ARHGAP6: variants seen among roughly 807,000 people sequenced by gnomAD.
ARHGAP6 encodes the protein rho GTPase-activating protein 6.
A neutral mutation model predicts 55.7 loss-of-function variants in ARHGAP6; 16 were observed. The ratio of observed to expected loss-of-function variants is 0.29; its 90% CI spans 0.19 to 0.44. ARHGAP6 has a LOEUF of 0.44. Among genes scored for constraint, ARHGAP6 ranks in the 20% least tolerant of loss-of-function variants. The pLI, the probability that ARHGAP6 is intolerant of heterozygous loss-of-function variation, is 1.00. For synonymous variants in ARHGAP6, 382 were observed against 360.9 expected, an observed-to-expected ratio of 1.06 and a Z score of -0.66; for missense variants, 698 against 808.9, an observed-to-expected ratio of 0.86 and a Z score of 1.66.
intron 1 of ARHGAP6, among the ~76,000 whole-genome samples, chrX:11,360,318 G>C (rs1362126985): frequency 9.0e-6 from 1 of 111,067 alleles, no homozygotes. Context: ...ATGATCAAGT[G>C]GGCTTCATTC....
intron 1 of ARHGAP6, among the ~76,000 whole-genome samples, chrX:11,359,753 C>T (rs181037613): frequency 5.4e-5 from 6 of 111,091 alleles, no homozygotes; most frequent in East Asian, 2.8e-4. Flanking sequence ...ATTGATAGAC[C>T]GCTAGCAAGA....
chrX:11,311,566 A>G (rs35887552), intron 1 of ARHGAP6, among the ~76,000 whole-genome samples: 25,917 of 110,913 alleles, frequency 0.23, 2,295 homozygotes, highest in Middle Eastern at 0.34. Flanking sequence ...ACTTTTGCCT[A>G]TTCTGGGTTT....
intron 1 of ARHGAP6, among the ~76,000 whole-genome samples, chrX:11,521,349 G>A (rs1394696338): frequency 8.0e-5 from 9 of 112,131 alleles, no homozygotes; most frequent in Non-Finnish European, 5.6e-5. Flanking sequence ...GTGTAAGGAA[G>A]GGACCCAGTT....
At position 11,144,040 on chromosome X, in the gene ARHGAP6, C is replaced by G. The variant is rs1602724254; in HGVS notation, c.2116G>C (p.Val706Leu). The change falls in exon 11 of 13, where the codon GTG (valine) becomes CTG (leucine). Residue 706 changes from valine (V) to leucine (L), a missense_variant. This residue lies in a region of ARHGAP6 where 322 missense variants were observed against 451.1 expected (regional missense o/e 0.71). Coordinates refer to ENST00000337414, the MANE Select transcript of ARHGAP6 (RefSeq NM_013427.3). ...LYRVPGQFMLVGHLSSSKSRE... is the reference protein window; with the variant it reads ...LYRVPGQFMLLGHLSSSKSRE... ...GACTTTGACGACGACAAGTGGCCCA[C>G]CAGCATAAACTGCCCTGGCACTCTG... The G allele has an allele frequency of 8.3e-7, 1 of 1,211,673 alleles. No homozygotes were observed.
intron 1 of ARHGAP6, among the ~76,000 whole-genome samples, chrX:11,658,074 T>C (rs1489816487): frequency 8.9e-6 from 1 of 111,746 alleles, no homozygotes; most frequent in East Asian, 2.8e-4. Flanking sequence ...TGGCAGTTTA[T>C]ATAGAGAGTC....
Position 11,632,438 on chromosome X carries a change from T to C in ARHGAP6, c.588+31803A>G, listed in dbSNP as rs772047045. Among the ~76,000 whole-genome samples, 72 of 112,325 alleles carry C rather than the reference T, an allele frequency of 6.4e-4. 1 individual carries two copies. Among genetic ancestry groups the C allele is most frequent in the Non-Finnish European group, 6.6e-4 (35 of 53,266 alleles). On this transcript the variant is annotated intron_variant, in intron 1 of 12. Transcript: ENST00000337414. Reference sequence around the variant, plus strand: ...ATGTGACTTTATTAAAACCTGCCTTTATGGGTAGAGAATTGAAATACCTTA... The same window carrying C: ...ATGTGACTTTATTAAAACCTGCCTTCATGGGTAGAGAATTGAAATACCTTA...
At chrX:11,653,082 T>C (rs1301695337) in intron 1 of ARHGAP6, among the ~76,000 whole-genome samples, 1 of 112,077 alleles carries the variant, frequency 8.9e-6, no homozygotes, top group African/African-American at 3.2e-5. Flanking sequence ...CACTGTAGTA[T>C]GTGGAAATAA....
chrX:11,310,158 C>G (rs1450506199), intron 1 of ARHGAP6, among the ~76,000 whole-genome samples: 1 of 13,885 alleles, frequency 7.2e-5, no homozygotes, highest in African/African-American at 3.0e-4. Flanking sequence ...GAGACTCTAT[C>G]TCAAAAAAAA....
chrX:11,616,334 C>CT (rs1220388534), intron 1 of ARHGAP6, among the ~76,000 whole-genome samples: 1 of 110,309 alleles, frequency 9.1e-6, no homozygotes, highest in Non-Finnish European at 1.9e-5. Flanking sequence ...TTTTCTTTTT[C>CT]TTTTTTTCTT....
chrX:11,408,677 G>A (rs1030681499), intron 1 of ARHGAP6, among the ~76,000 whole-genome samples: 9 of 110,013 alleles, frequency 8.2e-5, no homozygotes, highest in African/African-American at 2.3e-4. Context: ...AGAAATTGCC[G>A]TTCAGTGGGT....
intron 1 of ARHGAP6, among the ~76,000 whole-genome samples, chrX:11,311,712 G>A (rs1220814163): frequency 2.8e-5 from 3 of 107,630 alleles, no homozygotes; most frequent in Non-Finnish European, 5.7e-5. Flanking sequence ...GCAAATGAAC[G>A]TTCCCCAAAG....
intron 1 of ARHGAP6, among the ~76,000 whole-genome samples, chrX:11,433,332 G>T (rs1193152958): frequency 8.9e-6 from 1 of 111,961 alleles, no homozygotes; most frequent in Non-Finnish European, 1.9e-5. Flanking sequence ...ATTACAGTAG[G>T]TTCTATTTGG....
In ARHGAP6 at chrX:11,169,547, A is replaced by G; in HGVS notation, c.1767T>C (p.Ala589=). Residue 589 remains alanine (A), a synonymous_variant, in exon 9 of 13, where the codon GCT becomes GCC. Coordinates refer to ENST00000337414, the MANE Select transcript of ARHGAP6 (RefSeq NM_013427.3). ...ARAEESTAII[A]VVQKMIENYE... is the part of the protein sequence containing the mutation. ...AATTTTCAATCATCTTTTGCACAAC[A>G]GCGATGATGGCCGTGCTCTCCTCAG... 1 of 1,204,276 alleles carries G rather than the reference A, an allele frequency of 8.3e-7. No individual in the cohort carries two copies. The highest frequency in any genetic ancestry group is 1.1e-6 in the Non-Finnish European group (1 of 892,293).
chrX:11,423,710 A>G (rs2049849895), intron 1 of ARHGAP6, among the ~76,000 whole-genome samples: 1 of 112,866 alleles, frequency 8.9e-6, no homozygotes, highest in Admixed American at 9.3e-5. Flanking sequence ...AGGTGACAGC[A>G]GGGACAAGAC....
intron 1 of ARHGAP6, among the ~76,000 whole-genome samples, chrX:11,437,699 A>C (rs1486856714): frequency 8.9e-6 from 1 of 112,130 alleles, no homozygotes; most frequent in East Asian, 2.8e-4. Context: ...TAATATTTTC[A>C]CACACATCAG....
chrX:11,279,513 T>C (rs1340974786), intron 1 of ARHGAP6, among the ~76,000 whole-genome samples: 1 of 110,437 alleles, frequency 9.1e-6, no homozygotes. Context: ...TCTTCCATCA[T>C]AGCACTTAAT....
At chrX:11,287,725 A>G (rs1203990928) in intron 1 of ARHGAP6, among the ~76,000 whole-genome samples, 1 of 111,964 alleles carries the variant, frequency 8.9e-6, no homozygotes, top group Admixed American at 9.5e-5. Context: ...CTTTCTTCCA[A>G]TGACTCAGCC....
intron 12 of ARHGAP6, 71 bp downstream of exon 12, chrX:11,142,162 A>G: frequency 8.1e-6 from 6 of 738,993 alleles, no homozygotes; most frequent in Non-Finnish European, 1.2e-5. Flanking sequence ...ATGTAATATA[A>G]TGATAGTAAA....
intron 1 of ARHGAP6, among the ~76,000 whole-genome samples, chrX:11,264,176 C>T (rs1432532709): frequency 1.8e-5 from 2 of 110,493 alleles, no homozygotes; most frequent in African/African-American, 6.6e-5. Context: ...TCACCATTTT[C>T]CTCCTCTCCT....
Sources: gnomAD v4.1 joint callset for allele counts (sites outside exome capture counted in the v4.1 genomes callset) on GRCh38, gnomAD v4.1.1 for gene constraint, gnomAD v4.1.1 regional missense constraint, MANE v1.5 for transcripts, NCBI Gene and HGNC (gene_info 2026-07-23, HGNC 2026-07-21) for gene names.